Variants in SIK3 observed in about 807,000 individuals in gnomAD.
SIK3 encodes serine/threonine-protein kinase SIK3.
A neutral mutation model predicts 144.2 loss-of-function variants in SIK3; 28 were observed. That is an observed-to-expected ratio of 0.19 (90% CI 0.14 to 0.27). SIK3 has a LOEUF of 0.27. Among genes scored for constraint, SIK3 ranks in the 10% least tolerant of loss-of-function variants. The pLI is 1.00. For synonymous variants in SIK3, 686 were observed against 676.3 expected (o/e 1.01, Z -0.22); for missense variants, 1,319 against 1,776.0 (o/e 0.74, Z 4.62).
In SIK3 at chr11:116,908,231, T is replaced by G. The variant is rs113134347; in HGVS notation, c.617-10914A>C. Among the ~76,000 whole-genome samples, 68 of 152,292 alleles carry G rather than the reference T, an allele frequency of 4.5e-4. 1 individual carries two copies. Among genetic ancestry groups the G allele is most frequent in the African/African-American group, 1.5e-3 (64 of 41,566 alleles). ...TGGCTTACTCCTGTAATCCCAGCAT[T>G]CTGGGAGGCCAAGACAGGAGGATTG... On this transcript the variant is annotated intron_variant, in intron 4 of 24. Coordinates refer to ENST00000445177, the MANE Select transcript of SIK3 (RefSeq NM_001366686.3).
chr11:117,076,985 G>GTC (rs1286077135), intron 1 of SIK3, among the ~76,000 whole-genome samples: 2 of 152,168 alleles, frequency 1.3e-5, no homozygotes, highest in Non-Finnish European at 2.9e-5. Context: ...CCGAGACACT[G>GTC]TCTATACTAA....
chr11:116,970,821 A>T (rs1291161081), intron 1 of SIK3, among the ~76,000 whole-genome samples: 1 of 150,050 alleles, frequency 6.7e-6, no homozygotes, highest in Non-Finnish European at 1.5e-5. Flanking sequence ...AGCTAAATTA[A>T]TTTTTTTTAA....
intron 21 of SIK3, among the ~76,000 whole-genome samples, chr11:116,854,190 T>C (rs1234782211): frequency 6.6e-6 from 1 of 151,714 alleles, no homozygotes; most frequent in Non-Finnish European, 1.5e-5. Flanking sequence ...CAAGACCCCA[T>C]CTATACCAAA....
At position 116,945,463 on chromosome 11, in the gene SIK3, G is replaced by C. The variant is rs140959380; in HGVS notation, c.454+8581C>G. ...TGGTTTCAAACTCCTGGGCTCCAGT[G>C]ATCTGCCTGCCTGGGCCTCCCAAAG... On this transcript the variant is annotated intron_variant, in intron 3 of 24. Transcript: ENST00000445177. Among the ~76,000 whole-genome samples, 335 of 141,424 alleles carry C rather than the reference G, an allele frequency of 2.4e-3. 14 individuals carry two copies. The East Asian group carries it at 0.064, about 27-fold the overall frequency. 92.8% of individuals were successfully genotyped at this position (141,424 alleles called of 152,430 possible).
chr11:116,966,611 G>A (rs575218301), intron 1 of SIK3, among the ~76,000 whole-genome samples: 5 of 152,130 alleles, frequency 3.3e-5, no homozygotes, highest in Non-Finnish European at 4.4e-5. Flanking sequence ...TTAAGATTTG[G>A]GGGCATTTTT....
At chr11:116,952,316 C>T (rs1331060883) in intron 3 of SIK3, among the ~76,000 whole-genome samples, 2 of 152,052 alleles carry the variant, frequency 1.3e-5, no homozygotes, top group Non-Finnish European at 2.9e-5. Context: ...GCAGGAGGAT[C>T]ACTTGAGCCC....
chr11:117,013,907 G>GTGTGTGTGTGTGTGTGT (rs1485971413), intron 1 of SIK3, among the ~76,000 whole-genome samples: 1 of 44,904 alleles, frequency 2.2e-5, no homozygotes, highest in Non-Finnish European at 5.3e-5. Flanking sequence ...TGAGGGGGGG[G>GTGTGTGTGTGTGTGTGT]GGGGGAGGGT....
intron 4 of SIK3, among the ~76,000 whole-genome samples, chr11:116,922,905 C>CTTTTTTTTTTTTTTTT (rs1565455993): frequency 8.4e-6 from 1 of 118,692 alleles, no homozygotes; most frequent in African/African-American, 3.5e-5. Context: ...CTTTTCTTTT[C>CTTTTTTTTTTTTTTTT]TCTTTTTTTT....
intron 1 of SIK3, among the ~76,000 whole-genome samples, chr11:117,024,231 T>C (rs1232386070): frequency 6.6e-6 from 1 of 151,326 alleles, no homozygotes; most frequent in African/African-American, 2.4e-5. Context: ...ATGCCTTTTC[T>C]CCTATTAATC....
chr11:116,914,362 C>T (rs1389430087), intron 4 of SIK3, among the ~76,000 whole-genome samples: 1 of 152,016 alleles, frequency 6.6e-6, no homozygotes, highest in Admixed American at 6.5e-5. Flanking sequence ...GCATGTGCCA[C>T]CACAGCTGGC....
intron 13 of SIK3, among the ~76,000 whole-genome samples, chr11:116,872,668 T>C (rs1038503146): frequency 5.9e-5 from 9 of 152,240 alleles, no homozygotes; most frequent in African/African-American, 1.9e-4. Flanking sequence ...ATTTTGTCTG[T>C]TGAACTCAAT....
rs141605442 is a variant in SIK3, at chr11:116,875,163, G to A, written c.1422C>T (p.Asp474=). Residue 474 remains aspartate (D), a synonymous_variant, in exon 11 of 25, where the codon GAC becomes GAT. Transcript: ENST00000445177. The part of the protein sequence containing the change: ...SMRRHTVGVA[D]PRTEVMEDLQ... ...GCTGTTGGCCGGATACTCACCGTGG[G>A]TCAGCCACACCCACTGTGTGCCTCC... 35 of 1,613,344 alleles carry A rather than the reference G, an allele frequency of 2.2e-5. No homozygotes were observed. The highest frequency in any genetic ancestry group is 2.9e-5 in the Non-Finnish European group (34 of 1,179,716).
chr11:116,846,249 T>C lies in SIK3; in HGVS notation c.*13+134A>G. On this transcript the variant is annotated intron_variant, in intron 24 of 24. Transcript: ENST00000445177. This position sits in a 1 kb window ranked among gnomAD's most constrained non-coding sequence, Gnocchi z 4.1. ...GTCGTTAATGAAAAGCAAGAAACTG[T>C]GAAGGCCACGAGGGGAGGCGTGGTA... is the stretch of plus-strand genomic sequence containing the variant. 1.2e-6 allele frequency: 1 copy of C among 868,138 alleles called. No homozygotes were observed. Among genetic ancestry groups the C allele is most frequent in the Middle Eastern group, 3.6e-4 (1 of 2,740 alleles). The allele number at this position is 868,138 out of a possible 1,614,324, so 53.8% of individuals were successfully genotyped here. A position where few individuals can be genotyped will look rare whatever the true frequency, so the allele number is the denominator to read the frequency against.
intron 1 of SIK3, among the ~76,000 whole-genome samples, chr11:117,023,711 GTGTCACCCAGGC>G (rs1181987758): frequency 6.7e-6 from 1 of 149,762 alleles, no homozygotes; most frequent in East Asian, 2.0e-4. Context: ...GGGTCTCTCT[GTGTCACCCAGGC>G]TGGAGTGCAG....
At chr11:117,097,137 T>C (rs1955510036) in intron 1 of SIK3, among the ~76,000 whole-genome samples, 1 of 152,226 alleles carries the variant, frequency 6.6e-6, no homozygotes, top group African/African-American at 2.4e-5. Context: ...ATGAAAGTGC[T>C]ACCATATTTC....
At chr11:116,912,884 T>C (rs983567) in intron 4 of SIK3, among the ~76,000 whole-genome samples, 50,119 of 152,054 alleles carry the variant, frequency 0.33, 9,636 homozygotes, top group African/African-American at 0.54. Flanking sequence ...CTAGAAATGA[T>C]GCAAAGAACC....
At chr11:116,917,512 C>A (rs1946708398) in intron 4 of SIK3, among the ~76,000 whole-genome samples, 2 of 151,960 alleles carry the variant, frequency 1.3e-5, no homozygotes. Flanking sequence ...AGTTCAGGAC[C>A]AGCCTGAGCA....
Position 116,945,162 on chromosome 11 carries a change from T to C in SIK3, c.454+8882A>G, listed in dbSNP as rs905649245. 3.3e-5 allele frequency among the ~76,000 whole-genome samples: 5 copies of C among 152,132 alleles called. No individual in the cohort carries two copies. In the South Asian group the frequency reaches 8.3e-4, roughly 25 times the overall value. On this transcript the variant is annotated intron_variant, in intron 3 of 24. Transcript: ENST00000445177. ...TTTTAGTAGAGACAGGGTTTCACCATGTTAGCCAGGATGTTCTCAATCTCC... is the reference window on the plus strand; with the variant it reads ...TTTTAGTAGAGACAGGGTTTCACCACGTTAGCCAGGATGTTCTCAATCTCC...
At position 116,847,551 on chromosome 11, in the gene SIK3, C is replaced by G; in HGVS notation, c.3877G>C (p.Ala1293Pro). ...SLVAGKALSS[A>P]RMSDAVLSQS... The stretch of plus-strand genomic sequence containing the variant: ...CTGAGAACTGCATCCGACATCCGGG[C>G]AGAGCTAAGTGCTTTCCCAGCCACG... The change falls in exon 23 of 25, where the codon GCC (alanine) becomes CCC (proline). Residue 1293 changes from alanine to proline, a missense_variant. Around this residue, in one of 8 missense-constraint regions of SIK3, gnomAD observed 646 missense variants for 763.7 expected, o/e 0.85. Transcript: ENST00000445177. 1 of 1,614,184 alleles carries G rather than the reference C, an allele frequency of 6.2e-7. No individual in the cohort carries two copies. Among genetic ancestry groups the G allele is most frequent in the Non-Finnish European group, 8.5e-7 (1 of 1,180,048 alleles).
Sources: gnomAD v4.1 joint callset for allele counts (sites outside exome capture counted in the v4.1 genomes callset) on GRCh38, gnomAD v4.1.1 for gene constraint, gnomAD v4.1.1 regional missense constraint, Gnocchi (gnomAD v3.1) non-coding constraint, MANE v1.5 for transcripts, NCBI Gene and HGNC (gene_info 2026-07-23, HGNC 2026-07-21) for gene names.